The following FBXW7 variants were observed in gnomAD, a reference collection of about 807,000 sequenced individuals.
FBXW7 encodes the protein F-box/WD repeat-containing protein 7.
FBXW7 carries 11 observed loss-of-function variants against 86.3 expected under a neutral mutation model. The observed-to-expected ratio is 0.13, with a 90% CI of 0.08 to 0.21. FBXW7 has a LOEUF of 0.21. Ranked by LOEUF, FBXW7 falls within the 10% of genes least tolerant of loss-of-function variation. The probability of loss-of-function intolerance (pLI) is 1.00; values close to 1 mark genes in which losing one functional copy is unlikely to be tolerated. For synonymous variants in FBXW7, 313 were observed against 297.9 expected (o/e 1.05, Z -0.52); for missense variants, 488 against 847.4 (o/e 0.58, Z 5.27).
intron 4 of FBXW7, among the ~76,000 whole-genome samples, chr4:152,358,931 T>C (rs752262225): frequency 1.3e-5 from 2 of 152,196 alleles, no homozygotes; most frequent in Non-Finnish European, 2.9e-5. Flanking sequence ...CCAAGATCAA[T>C]AATTCTTACT....
At chr4:152,382,575 G>T in intron 4 of FBXW7, 1 of 853,040 alleles carries the variant, frequency 1.2e-6, no homozygotes, top group Non-Finnish European at 1.5e-6. Context: ...TGAAGTGAAA[G>T]CTCCTGCTCC....
intron 2 of FBXW7, among the ~76,000 whole-genome samples, chr4:152,527,298 G>T (rs1286938732): frequency 7.2e-5 from 11 of 152,220 alleles, no homozygotes; most frequent in Admixed American, 7.2e-4. Flanking sequence ...TAAATGAGAA[G>T]TAAACTAGCT....
intron 4 of FBXW7, among the ~76,000 whole-genome samples, chr4:152,399,305 A>G (rs1193201234): frequency 2.0e-5 from 3 of 152,136 alleles, no homozygotes; most frequent in Non-Finnish European, 4.4e-5. Flanking sequence ...CTAGGAATAG[A>G]GGGGAGGAAC....
intron 4 of FBXW7, among the ~76,000 whole-genome samples, chr4:152,392,923 G>A (rs1736116096): frequency 6.6e-6 from 1 of 152,092 alleles, no homozygotes; most frequent in African/African-American, 2.4e-5. Flanking sequence ...ACTTTGGCTT[G>A]AATTTACATC....
chr4:152,530,850 A>G (rs1000280943), intron 2 of FBXW7: 6 of 152,256 alleles, frequency 3.9e-5, no homozygotes, highest in African/African-American at 1.4e-4. Flanking sequence ...CTGCTTTCAC[A>G]CTATAAGAAC....
At chr4:152,525,280 G>A (rs1322673262) in intron 2 of FBXW7, among the ~76,000 whole-genome samples, 1 of 152,122 alleles carries the variant, frequency 6.6e-6, no homozygotes, top group Non-Finnish European at 1.5e-5. Context: ...AGAAGTCACA[G>A]CTAGCAAGAT....
In FBXW7 at chr4:152,330,837, T is replaced by C. The variant is rs1464879091; in HGVS notation, c.1017A>G (p.Arg339=). The part of the protein sequence containing the change: ...GIDEPLHIKR[R]KVIKPGFIHS... ...GTATGAAACCTGGTTTTATTACTTTTCTTCTCTTGATGTGCAATGGTTCAT... is the reference window on the plus strand; with the variant it reads ...GTATGAAACCTGGTTTTATTACTTTCCTTCTCTTGATGTGCAATGGTTCAT... Residue 339 remains arginine (R), a synonymous_variant, in exon 9 of 14, where the codon AGA becomes AGG. Coordinates refer to ENST00000281708, the MANE Select transcript of FBXW7 (RefSeq NM_001349798.2). The C allele has an allele frequency of 1.2e-6, 2 of 1,612,400 alleles. No individual in the cohort carries two copies. Among genetic ancestry groups the C allele is most frequent in the South Asian group, 1.1e-5 (1 of 90,988 alleles).
intron 2 of FBXW7, among the ~76,000 whole-genome samples, chr4:152,505,727 T>C (rs1747354204): frequency 6.6e-6 from 1 of 151,590 alleles, no homozygotes; most frequent in South Asian, 2.1e-4. Flanking sequence ...AAGGGCCTTC[T>C]TGAGGCTGTT....
At chr4:152,471,078 A>G (rs546016563) in intron 2 of FBXW7, among the ~76,000 whole-genome samples, 1 of 152,238 alleles carries the variant, frequency 6.6e-6, no homozygotes, top group African/African-American at 2.4e-5. Flanking sequence ...ATATAAAAAT[A>G]AAAATGCTTT....
intron 4 of FBXW7, among the ~76,000 whole-genome samples, chr4:152,379,933 A>G (rs1734907225): frequency 1.3e-5 from 2 of 152,308 alleles, no homozygotes; most frequent in South Asian, 2.1e-4. Flanking sequence ...ACTATTTTCA[A>G]ACTTTTTTTA....
At chr4:152,454,675 A>G (rs1742246175) in intron 2 of FBXW7, among the ~76,000 whole-genome samples, 1 of 152,160 alleles carries the variant, frequency 6.6e-6, no homozygotes, top group South Asian at 2.1e-4. Context: ...ACTGACTTTC[A>G]ACTTGGCAAC....
chr4:152,510,264 T>C (rs1747834376), intron 2 of FBXW7, among the ~76,000 whole-genome samples: 1 of 152,246 alleles, frequency 6.6e-6, no homozygotes, highest in Admixed American at 6.5e-5. Flanking sequence ...AGGATTCTTC[T>C]TTCAAGTAAA....
chr4:152,387,048 C>A (rs774988857), intron 4 of FBXW7, among the ~76,000 whole-genome samples: 1 of 152,134 alleles, frequency 6.6e-6, no homozygotes, highest in Non-Finnish European at 1.5e-5. Flanking sequence ...ATGAGCAGCA[C>A]AAAGATTTTC....
chr4:152,500,513 A>T (rs1746832603), intron 2 of FBXW7, among the ~76,000 whole-genome samples: 2 of 151,920 alleles, frequency 1.3e-5, no homozygotes, highest in African/African-American at 4.8e-5. Flanking sequence ...AAAAAAAAAA[A>T]AAAAAAACTT....
At chr4:152,415,096 C>T (rs1157569485) in intron 2 of FBXW7, among the ~76,000 whole-genome samples, 1 of 151,994 alleles carries the variant, frequency 6.6e-6, no homozygotes, top group Non-Finnish European at 1.5e-5. Flanking sequence ...TCTAGGAATG[C>T]TTAGAGGAAT....
intron 4 of FBXW7, among the ~76,000 whole-genome samples, chr4:152,364,450 A>G (rs1309464778): frequency 1.3e-5 from 2 of 152,226 alleles, no homozygotes; most frequent in Non-Finnish European, 2.9e-5. Context: ...AAAACTGGCA[A>G]AAGTTATGAA....
chr4:152,424,476 T>A (rs78051975), intron 2 of FBXW7, among the ~76,000 whole-genome samples: 10 of 152,204 alleles, frequency 6.6e-5, no homozygotes, highest in African/African-American at 2.4e-4. Context: ...AAAACTCTCT[T>A]CATCTCTTAT....
chr4:152,487,587 G>A (rs1745463655), intron 2 of FBXW7, among the ~76,000 whole-genome samples: 1 of 151,960 alleles, frequency 6.6e-6, no homozygotes, highest in Non-Finnish European at 1.5e-5. Flanking sequence ...GATACCTTTA[G>A]AAAAGTAATT....
intron 8 of FBXW7, among the ~76,000 whole-genome samples, chr4:152,331,317 C>T (rs905792467): frequency 2.0e-5 from 3 of 151,968 alleles, no homozygotes; most frequent in Admixed American, 6.6e-5. Flanking sequence ...GTAACTAAAA[C>T]GTGCAAGCAA....
Sources: gnomAD v4.1 joint callset for allele counts (sites outside exome capture counted in the v4.1 genomes callset) on GRCh38, gnomAD v4.1.1 for gene constraint, MANE v1.5 for transcripts, NCBI Gene and HGNC (gene_info 2026-07-23, HGNC 2026-07-21) for gene names.